Variants in ZFHX3 observed in about 807,000 individuals in gnomAD.
ZFHX3 encodes the protein zinc finger homeobox protein 3.
Under a neutral mutation model 279.1 loss-of-function variants are expected in ZFHX3, and 42 were observed. That is an observed-to-expected ratio of 0.15 (90% confidence interval 0.12 to 0.19). The LOEUF (loss-of-function observed/expected upper bound fraction) is 0.19, where lower values mean the gene tolerates loss of function less well. ZFHX3 is among the 10% of genes least tolerant of loss of function. ZFHX3 has a pLI of 1.00. For synonymous variants in ZFHX3, 2,293 were observed against 1,957.8 expected, an observed-to-expected ratio of 1.17 and a Z score of -4.52; for missense variants, 4,981 against 4,754.0, an observed-to-expected ratio of 1.05 and a Z score of -1.40.
chr16:73,205,641 T>A (rs2011768593), intron 5 of ZFHX3, among the ~76,000 whole-genome samples: 1 of 152,026 alleles, frequency 6.6e-6, no homozygotes, highest in Non-Finnish European at 1.5e-5. Context: ...TGGCTGTGAG[T>A]GTGTGTGTGT....
At chr16:72,881,872 C>T (rs570187447) in intron 4 of ZFHX3, among the ~76,000 whole-genome samples, 1 of 152,166 alleles carries the variant, frequency 6.6e-6, no homozygotes, top group Non-Finnish European at 1.5e-5. Context: ...GGCTAGCTAT[C>T]CATATTCACT....
intron 2 of ZFHX3, among the ~76,000 whole-genome samples, chr16:73,478,967 G>A (rs1047882586): frequency 6.6e-6 from 1 of 152,156 alleles, no homozygotes; most frequent in Non-Finnish European, 1.5e-5. Flanking sequence ...CCGGGGAATT[G>A]CTTGAACCCG....
At chr16:73,418,856 C>G (rs965343547) in intron 3 of ZFHX3, among the ~76,000 whole-genome samples, 3 of 152,214 alleles carry the variant, frequency 2.0e-5, no homozygotes, top group African/African-American at 7.2e-5. Context: ...CCAATGGATA[C>G]TTTTTCACGT....
chr16:73,488,361 C>G (rs533545897), intron 2 of ZFHX3, among the ~76,000 whole-genome samples: 1 of 151,976 alleles, frequency 6.6e-6, no homozygotes, highest in East Asian at 1.9e-4. Context: ...TGGACCTGCA[C>G]GGGGTGGGGT....
exon 1 of ZFHX3, chr16:73,059,594 G>C (rs1275789814): frequency 7.5e-6 from 1 of 132,840 alleles, no homozygotes; most frequent in East Asian, 2.5e-4. Context: ...AAATTAACTA[G>C]GAAAAGAGCA....
chr16:72,949,908 TTTC>T (rs1483843423), intron 3 of ZFHX3, among the ~76,000 whole-genome samples: 1 of 131,194 alleles, frequency 7.6e-6, no homozygotes, highest in South Asian at 2.4e-4. Context: ...GGGATTTTCT[TTTC>T]TTTTTTTTTT....
intron 3 of ZFHX3, among the ~76,000 whole-genome samples, chr16:72,949,546 G>C (rs1400264379): frequency 6.6e-6 from 1 of 152,128 alleles, no homozygotes; most frequent in Non-Finnish European, 1.5e-5. Flanking sequence ...ACAGTATCCG[G>C]AGCACCTCCC....
At chr16:73,242,128 G>A (rs2013142332) in intron 5 of ZFHX3, among the ~76,000 whole-genome samples, 1 of 152,136 alleles carries the variant, frequency 6.6e-6, no homozygotes, top group African/African-American at 2.4e-5. Context: ...ATGGAGATAC[G>A]GAAGACTGGA....
At chr16:73,673,907 C>G (rs145977848) in intron 2 of ZFHX3, among the ~76,000 whole-genome samples, 57 of 152,250 alleles carry the variant, frequency 3.7e-4, no homozygotes, top group African/African-American at 1.2e-3. Context: ...GGAAATCTGA[C>G]CACCACACAA....
At chr16:72,829,531 C>A in intron 5 of ZFHX3, 1 of 474,306 alleles carries the variant, frequency 2.1e-6, no homozygotes, top group South Asian at 4.4e-5. Context: ...AATAAGCAAG[C>A]TGGCTTTGGT....
At chr16:72,868,692 G>C (rs1358513084) in intron 4 of ZFHX3, among the ~76,000 whole-genome samples, 1 of 152,166 alleles carries the variant, frequency 6.6e-6, no homozygotes, top group Admixed American at 6.5e-5. Context: ...ACATCGACAG[G>C]CTTCTTAGGA....
At chr16:73,008,346 A>G (rs1306049879) in intron 1 of ZFHX3, among the ~76,000 whole-genome samples, 1 of 152,234 alleles carries the variant, frequency 6.6e-6, no homozygotes, top group African/African-American at 2.4e-5. Context: ...GAATATTTTT[A>G]AATTTTCAAG....
intron 3 of ZFHX3, among the ~76,000 whole-genome samples, chr16:73,371,113 G>A (rs111452380): frequency 0.033 from 5,010 of 152,028 alleles, 270 homozygotes; most frequent in African/African-American, 0.11. Flanking sequence ...CCTGAGGTCA[G>A]GAGTTCAAGA....
At chr16:73,840,041 C>CA (rs1206989857) in intron 1 of ZFHX3, among the ~76,000 whole-genome samples, 13 of 152,232 alleles carry the variant, frequency 8.5e-5, no homozygotes, top group Non-Finnish European at 1.9e-4. Flanking sequence ...CTTGTCCAGG[C>CA]ATCTGGAGTG....
At chr16:73,416,144 A>G (rs1393539887) in intron 3 of ZFHX3, among the ~76,000 whole-genome samples, 1 of 150,264 alleles carries the variant, frequency 6.7e-6, no homozygotes, top group Non-Finnish European at 1.5e-5. Context: ...AAAAACAAAA[A>G]ACGGAAAACA....
intron 1 of ZFHX3, among the ~76,000 whole-genome samples, chr16:73,823,732 C>T (rs933514426): frequency 2.6e-5 from 4 of 152,166 alleles, no homozygotes; most frequent in African/African-American, 9.7e-5. Flanking sequence ...TGGCCCTTTA[C>T]ACAAAAGTTT....
rs527436272 is a variant in ZFHX3 at position 73,662,067 on chromosome 16, T to G, written c.-1547+18113A>C. Among the ~76,000 whole-genome samples the G allele has an allele frequency of 4.8e-4, 72 of 150,946 alleles. 1 individual carries two copies. The South Asian group carries it at 0.014, about 29-fold the overall frequency. ...AGAACTCAGGGTTGCCAAGCCAGGC[T>G]GTACTTGATAAAATGCTGTGGCAGG... On this transcript the variant is annotated intron_variant, in intron 2 of 17. Transcript: ENST00000641206.
At chr16:72,948,721 C>T (rs1597000601) in intron 3 of ZFHX3, among the ~76,000 whole-genome samples, 3 of 152,202 alleles carry the variant, frequency 2.0e-5, no homozygotes, top group Admixed American at 2.0e-4. Context: ...TCTAAACGAC[C>T]TTCATCAAAG....
At chr16:72,941,945 ACAG>A (rs1960430286) in intron 3 of ZFHX3, among the ~76,000 whole-genome samples, 5 of 152,232 alleles carry the variant, frequency 3.3e-5, no homozygotes, top group African/African-American at 1.2e-4. Context: ...TTTCATAGTA[ACAG>A]CCTTTCCCAC....
Sources: allele counts gnomAD v4.1 joint callset (sites outside exome capture counted in the v4.1 genomes callset), GRCh38; gene constraint gnomAD v4.1.1; transcripts MANE v1.5; gene names NCBI Gene and HGNC (gene_info 2026-07-23, HGNC 2026-07-21).